Variants in ESR1 observed in about 807,000 individuals in gnomAD.
ESR1 encodes estrogen receptor 1.
A neutral mutation model predicts 52.7 loss-of-function variants in ESR1; 12 were observed. The observed-to-expected ratio is 0.23, with a 90% CI of 0.15 to 0.37. The LOEUF (loss-of-function observed/expected upper bound fraction) is 0.37, where lower values mean the gene tolerates loss of function less well. ESR1 is among the 10% of genes least tolerant of loss of function. ESR1 has a pLI of 1.00. For synonymous variants in ESR1, 305 were observed against 316.8 expected (o/e 0.96, Z 0.39); for missense variants, 584 against 779.7 (o/e 0.75, Z 2.99).
At chr6:151,850,785 A>G (rs1427096774) in intron 2 of ESR1, among the ~76,000 whole-genome samples, 3 of 152,184 alleles carry the variant, frequency 2.0e-5, no homozygotes, top group Non-Finnish European at 4.4e-5. Flanking sequence ...TGACGTTTCC[A>G]GAGCTGTTGC....
chr6:151,920,085 T>C (rs1406068796), intron 3 of ESR1, among the ~76,000 whole-genome samples: 1 of 152,134 alleles, frequency 6.6e-6, no homozygotes, highest in Admixed American at 6.5e-5. Flanking sequence ...TCTGACAACT[T>C]TAATTTTTCA....
intron 6 of ESR1, among the ~76,000 whole-genome samples, chr6:152,111,502 G>A (rs2051135957): frequency 1.3e-5 from 2 of 152,186 alleles, no homozygotes; most frequent in South Asian, 2.1e-4. Flanking sequence ...CCTTTTCATT[G>A]AGAAATCAGT....
intron 1 of ESR1, among the ~76,000 whole-genome samples, chr6:151,676,947 G>C (rs147001233): frequency 1.3e-5 from 2 of 152,304 alleles, no homozygotes; most frequent in African/African-American, 4.8e-5. Context: ...TGGAGACAGA[G>C]TATGGAGAAA....
intron 2 of ESR1, among the ~76,000 whole-genome samples, chr6:151,861,529 T>G (rs1788883624): frequency 6.6e-6 from 1 of 152,144 alleles, no homozygotes. Flanking sequence ...GGCTTAATCA[T>G]TTTGGGCTCA....
chr6:152,027,105 T>C (rs957133441), intron 5 of ESR1, among the ~76,000 whole-genome samples: 1 of 152,056 alleles, frequency 6.6e-6, no homozygotes, highest in African/African-American at 2.4e-5. Context: ...TACCTGGGAT[T>C]ACAGGCATCA....
chr6:151,830,188 C>A (rs930034235), intron 1 of ESR1, among the ~76,000 whole-genome samples: 1 of 152,122 alleles, frequency 6.6e-6, no homozygotes, highest in African/African-American at 2.4e-5. Context: ...TAGTGTATTT[C>A]CCAAGGGCCA....
chr6:151,842,530 G>A (rs2128233739), intron 1 of ESR1, 67 bp from the exon 2 acceptor site: 7 of 1,325,686 alleles, frequency 5.3e-6, no homozygotes, highest in Non-Finnish European at 7.5e-6. Context: ...TGGATCTGCT[G>A]CATCTCCCAG....
intron 2 of ESR1, among the ~76,000 whole-genome samples, chr6:151,874,673 C>T (rs2128317024): frequency 6.6e-6 from 1 of 152,290 alleles, no homozygotes; most frequent in Middle Eastern, 3.4e-3. Context: ...AGTTACATGA[C>T]AGTTTATGTA....
In ESR1 at chr6:151,958,454, A is replaced by T. The variant is rs190739563; in HGVS notation, c.1096+13946A>T. 1.7e-3 allele frequency among the ~76,000 whole-genome samples: 252 copies of T among 152,284 alleles called. 1 individual carries two copies. The highest frequency in any genetic ancestry group is 5.7e-3 in the African/African-American group (236 of 41,560). Reference sequence around the variant, plus strand: ...AACTAGCTTGACTAAGGAGTGGCGGAGCTCTGGGCAGTGTGGTTCCTGTGT... The same window carrying T: ...AACTAGCTTGACTAAGGAGTGGCGGTGCTCTGGGCAGTGTGGTTCCTGTGT... On this transcript the variant is annotated intron_variant, in intron 4 of 7. Transcript: ENST00000206249.
rs550062043 is a variant in ESR1 at position 151,933,850 on chromosome 6, G to A, written c.761-10323G>A. 2.0e-5 allele frequency among the ~76,000 whole-genome samples: 3 copies of A among 152,262 alleles called. No homozygotes were observed. The East Asian group carries it at 5.8e-4, about 29-fold the overall frequency. ...ATAAATTAAACTCAGCCACTTCTCA[G>A]CATTTTTAAAATCACCCTAATACAA... On this transcript the variant is annotated intron_variant, in intron 3 of 7. Transcript: ENST00000206249.
In ESR1 at chr6:151,999,835, T is replaced by A. The variant is rs578087071; in HGVS notation, c.1097-11821T>A. ...TGGATTTCAGTATAACTTGTTTCAT[T>A]TTGTGATTTTTAAAAATATTTTGTT... On this transcript the variant is annotated intron_variant, in intron 4 of 7. Coordinates refer to ENST00000206249, the MANE Select transcript of ESR1 (RefSeq NM_000125.4). 1.6e-4 allele frequency among the ~76,000 whole-genome samples: 24 copies of A among 152,232 alleles called. No homozygotes were observed. The Middle Eastern group carries it at 0.014, about 86-fold the overall frequency.
intron 4 of ESR1, among the ~76,000 whole-genome samples, chr6:151,954,801 A>G (rs951527290): frequency 2.6e-5 from 4 of 152,226 alleles, no homozygotes; most frequent in African/African-American, 9.6e-5. Flanking sequence ...TGCATCAATA[A>G]GGCAGCAATG....
chr6:151,943,379 T>TA lies in ESR1; in HGVS notation c.761-784dup, dbSNP rs1248314600. Among the ~76,000 whole-genome samples, 210 of 133,906 alleles carry TA rather than the reference T, an allele frequency of 1.6e-3. 1 individual carries two copies. The highest frequency in any genetic ancestry group is 2.7e-3 in the African/African-American group (93 of 34,738). The allele number at this position is 133,906 out of a possible 152,430, so 87.8% of individuals were successfully genotyped here. On this transcript the variant is annotated intron_variant, in intron 3 of 7. Coordinates refer to ENST00000206249, the MANE Select transcript of ESR1 (RefSeq NM_000125.4). ...TGGGTGACACAGCGAGACTCCATCTTAAAAAAAAAACAAAAAAAAACAAAA... is the reference window on the plus strand; with the variant it reads ...TGGGTGACACAGCGAGACTCCATCTTAAAAAAAAAAACAAAAAAAAACAAAA...
chr6:151,886,465 A>T (rs1018162619), intron 3 of ESR1, among the ~76,000 whole-genome samples: 3 of 152,208 alleles, frequency 2.0e-5, no homozygotes, highest in Non-Finnish European at 2.9e-5. Context: ...GTTGCAGTAT[A>T]ATTTTTAGAA....
intron 4 of ESR1, among the ~76,000 whole-genome samples, chr6:151,955,114 T>A (rs888681959): frequency 3.3e-4 from 50 of 152,344 alleles, no homozygotes; most frequent in African/African-American, 1.2e-3. Flanking sequence ...CTAAATAGAT[T>A]TGTTTGCCTA....
At chr6:152,040,647 T>C (rs1201526506) in intron 5 of ESR1, among the ~76,000 whole-genome samples, 1 of 152,210 alleles carries the variant, frequency 6.6e-6, no homozygotes, top group Non-Finnish European at 1.5e-5. Context: ...TTCTGTGCAT[T>C]GGGAAGATTT....
At chr6:152,028,835 C>A (rs937341197) in intron 5 of ESR1, among the ~76,000 whole-genome samples, 5 of 152,222 alleles carry the variant, frequency 3.3e-5, no homozygotes, top group African/African-American at 1.2e-4. Flanking sequence ...TGAGAACGGG[C>A]AGACTGCCTC....
chr6:152,086,143 T>G (rs1436359503), intron 6 of ESR1, among the ~76,000 whole-genome samples: 2 of 152,204 alleles, frequency 1.3e-5, no homozygotes, highest in African/African-American at 2.4e-5. Context: ...CTGCAATAGA[T>G]GGACTGTGCA....
At chr6:151,914,275 G>A (rs1798709818) in intron 3 of ESR1, among the ~76,000 whole-genome samples, 1 of 150,248 alleles carries the variant, frequency 6.7e-6, no homozygotes, top group Non-Finnish European at 1.5e-5. Context: ...AAAGGCTTCG[G>A]TCTTATTTTG....
Sources: gnomAD v4.1 joint callset for allele counts (sites outside exome capture counted in the v4.1 genomes callset) on GRCh38, gnomAD v4.1.1 for gene constraint, MANE v1.5 for transcripts, NCBI Gene and HGNC (gene_info 2026-07-23, HGNC 2026-07-21) for gene names.